ALPK1: variants seen among roughly 807,000 people sequenced by gnomAD.
ALPK1 encodes alpha kinase 1, also known as alpha-protein kinase 1.
In ALPK1, 110 loss-of-function variants were observed where a neutral mutation model predicts 120.6. The ratio of observed to expected loss-of-function variants is 0.91; its 90% CI spans 0.78 to 1.07. ALPK1 has a LOEUF of 1.07. Among genes scored for constraint, ALPK1 ranks in the 50% least tolerant of loss-of-function variants. ALPK1 has a pLI of 0.00. For missense variants in ALPK1, 1,498 were observed against 1,483.9 expected (o/e 1.01, Z -0.16); for synonymous variants, 582 against 560.3 (o/e 1.04, Z -0.55).
chr4:112,403,555 G>A (rs985177148), intron 4 of ALPK1, among the ~76,000 whole-genome samples: 5 of 152,300 alleles, frequency 3.3e-5, no homozygotes, highest in African/African-American at 1.2e-4. Flanking sequence ...GGGATGCCAG[G>A]TCCTCCAGAA....
chr4:112,341,964 A>G (rs1223858116), intron 2 of ALPK1, among the ~76,000 whole-genome samples: 1 of 152,226 alleles, frequency 6.6e-6, no homozygotes, highest in Non-Finnish European at 1.5e-5. Context: ...AGAAAGAGCA[A>G]GAGACTTCTT....
At chr4:112,330,541 A>G (rs17528292) in intron 2 of ALPK1, among the ~76,000 whole-genome samples, 5,385 of 152,310 alleles carry the variant, frequency 0.035, 137 homozygotes, top group South Asian at 0.091. Flanking sequence ...GTTATAATCT[A>G]CTAAATCTAG....
At chr4:112,416,382 T>C (rs1237193434) in intron 5 of ALPK1, among the ~76,000 whole-genome samples, 1 of 151,998 alleles carries the variant, frequency 6.6e-6, no homozygotes, top group Admixed American at 6.6e-5. Context: ...GAGAAAATTA[T>C]GGAACTGGAA....
chr4:112,403,544 G>A (rs567244911), intron 4 of ALPK1, among the ~76,000 whole-genome samples: 12 of 152,226 alleles, frequency 7.9e-5, no homozygotes, highest in Admixed American at 3.3e-4. Context: ...ATGCAGCTGC[G>A]GGGATGCCAG....
intron 4 of ALPK1, among the ~76,000 whole-genome samples, chr4:112,395,128 A>T (rs1425505532): frequency 6.6e-6 from 1 of 152,234 alleles, no homozygotes; most frequent in East Asian, 1.9e-4. Context: ...TCTTCACAGC[A>T]TATAATCTTG....
In ALPK1 at chr4:112,382,541, C is replaced by G. The variant is rs200425723; in HGVS notation, c.265C>G (p.Gln89Glu). The G allele has an allele frequency of 2.5e-6, 4 of 1,614,120 alleles. No homozygotes were observed. In the African/African-American group the frequency reaches 5.3e-5, roughly 22 times the overall value. ...NLKDVIGAGL[Q>E]QLLASLRASI... Reference sequence around the variant, plus strand: ...GAAGGATGTGATTGGCGCCGGGTTGCAGCAGTTACTGGTAGGAAGAGCCAC... The same window carrying G: ...GAAGGATGTGATTGGCGCCGGGTTGGAGCAGTTACTGGTAGGAAGAGCCAC... The change falls in exon 4 of 16, where the codon CAG becomes GAG. Residue 89 changes from glutamine (Q) to glutamate (E), a missense_variant. By Grantham distance (29) the Gln-to-Glu change is conservative. Transcript: ENST00000650871.
chr4:112,299,797 T>G (rs1727707803), intron 1 of ALPK1, among the ~76,000 whole-genome samples: 1 of 152,194 alleles, frequency 6.6e-6, no homozygotes, highest in Non-Finnish European at 1.5e-5. Flanking sequence ...TCGTAAATTA[T>G]CATATAATTG....
At chr4:112,337,414 G>T (rs1286277265) in intron 2 of ALPK1, among the ~76,000 whole-genome samples, 2 of 152,186 alleles carry the variant, frequency 1.3e-5, no homozygotes, top group East Asian at 1.9e-4. Flanking sequence ...CAAGTGTTGG[G>T]CTGGGTGCAG....
At chr4:112,382,912 A>C in intron 4 of ALPK1, 1 of 255,168 alleles carries the variant, frequency 3.9e-6, no homozygotes, top group South Asian at 4.8e-5. Flanking sequence ...GGTAGCTTAA[A>C]AAAGTAAATG....
chr4:112,385,683 A>C (rs780475339), intron 4 of ALPK1, among the ~76,000 whole-genome samples: 6 of 152,348 alleles, frequency 3.9e-5, no homozygotes, highest in Admixed American at 6.5e-5. Context: ...ATTATTAAAA[A>C]TAGTTTGAAT....
intron 14 of ALPK1, 40 bp downstream of exon 14, chr4:112,439,912 A>G: frequency 6.7e-7 from 1 of 1,487,956 alleles, no homozygotes; most frequent in South Asian, 1.3e-5. Context: ...TTAATATTAT[A>G]TGTAAATGTG....
chr4:112,356,867 G>A lies in ALPK1; in HGVS notation c.-100-20811G>A, dbSNP rs141498995. ...CAACATTGACCTTAAGGGGACGGTC[G>A]TGATCTTTGATGAAACTCACAAGGT... On this transcript the variant is annotated intron_variant, in intron 2 of 15. Transcript: ENST00000650871. The A allele has an allele frequency of 3.5e-3, 2,565 of 738,638 alleles. 15 individuals are homozygous for A. Among genetic ancestry groups the A allele is most frequent in the Non-Finnish European group, 4.7e-3 (1,860 of 394,828 alleles). The allele number at this position is 738,638 out of a possible 1,614,324, so 45.8% of individuals were successfully genotyped here. A position where few individuals can be genotyped will look rare whatever the true frequency, so the allele number is the denominator to read the frequency against.
intron 5 of ALPK1, among the ~76,000 whole-genome samples, chr4:112,418,983 A>G (rs1472333348): frequency 6.6e-6 from 1 of 152,246 alleles, no homozygotes; most frequent in African/African-American, 2.4e-5. Context: ...CAAAAACAGT[A>G]TGATTTGTAG....
chr4:112,422,182 A>G (rs1734029152), intron 5 of ALPK1, among the ~76,000 whole-genome samples: 1 of 152,204 alleles, frequency 6.6e-6, no homozygotes, highest in Admixed American at 6.5e-5. Context: ...ACGGCACGCA[A>G]TTTAAAACTT....
rs1262316483 is a variant in ALPK1 at position 112,382,562 on chromosome 4, G to A, written c.276+10G>A. On this transcript the variant is annotated intron_variant, in intron 4 of 15. Transcript: ENST00000650871. ...GTTGCAGCAGTTACTGGTAGGAAGA[G>A]CCACACCACCTGTTCCTCTGATATC... is the stretch of plus-strand genomic sequence containing the variant. The A allele has an allele frequency of 6.2e-7, 1 of 1,614,150 alleles. No individual in the cohort carries two copies. The highest frequency in any genetic ancestry group is 2.2e-5 in the East Asian group (1 of 44,876).
rs919350438 is a variant in ALPK1, at chr4:112,356,231, C to A, written c.-100-21447C>A. 4.5e-6 allele frequency: 7 copies of A among 1,547,596 alleles called. No homozygotes were observed. The South Asian group carries it at 7.8e-5, about 17-fold the overall frequency. ...CATGACCAAGGTCCTGGAATGTCTG[C>A]AGATGAATGGCATCCTGGAGAGCCC... is the stretch of plus-strand genomic sequence containing the variant. On this transcript the variant is annotated intron_variant, in intron 2 of 15. Transcript: ENST00000650871.
rs1406857206 is a variant in ALPK1, at chr4:112,439,959, A to G, written c.3538+87A>G. On this transcript the variant is annotated intron_variant, in intron 14 of 15. Transcript: ENST00000650871. The stretch of plus-strand genomic sequence containing the variant: ...CTAGCTTCCCTAATCTTTACTTAAT[A>G]GATTGTTCCATGTATAGGCTATTAT... 4 of 1,184,624 alleles carry G rather than the reference A, an allele frequency of 3.4e-6. No individual in the cohort carries two copies. In the South Asian group the frequency reaches 4.7e-5, roughly 14 times the overall value. The allele number at this position is 1,184,624 out of a possible 1,614,324, so 73.4% of individuals were successfully genotyped here. A position where few individuals can be genotyped will look rare whatever the true frequency, so the allele number is the denominator to read the frequency against.
intron 2 of ALPK1, among the ~76,000 whole-genome samples, chr4:112,366,792 C>T (rs542765072): frequency 2.0e-5 from 3 of 152,326 alleles, no homozygotes; most frequent in African/African-American, 2.4e-5. Flanking sequence ...AATATGGAAA[C>T]AGTCCAAATG....
intron 2 of ALPK1, among the ~76,000 whole-genome samples, chr4:112,348,458 T>G (rs1378487630): frequency 6.6e-6 from 1 of 152,250 alleles, no homozygotes; most frequent in East Asian, 1.9e-4. Context: ...AGACACATTT[T>G]GAGTTTGTTC....
Sources: gnomAD v4.1 joint callset for allele counts (sites outside exome capture counted in the v4.1 genomes callset) on GRCh38, gnomAD v4.1.1 for gene constraint, MANE v1.5 for transcripts, NCBI Gene and HGNC (gene_info 2026-07-23, HGNC 2026-07-21) for gene names.